TFCP2: variants seen among roughly 807,000 people sequenced by gnomAD.
The protein encoded by TFCP2 is alpha-globin transcription factor CP2.
TFCP2 carries 33 observed loss-of-function variants against 73.4 expected under a neutral mutation model. That is an observed-to-expected ratio of 0.45 (90% CI 0.34 to 0.60). The LOEUF is 0.60. TFCP2 is among the 20% of genes least tolerant of loss of function. The probability of loss-of-function intolerance (pLI) is 0.01; values close to 1 mark genes in which losing one functional copy is unlikely to be tolerated. For missense variants in TFCP2, 352 were observed against 604.0 expected (o/e 0.58, Z 4.37); for synonymous variants, 193 against 211.6 (o/e 0.91, Z 0.76).
chr12:51,107,235 C>A lies in TFCP2; in HGVS notation c.828+1G>T. On this transcript the variant is annotated splice_donor_variant, in intron 7 of 14. Transcript: ENST00000257915. LOFTEE classifies it high-confidence loss of function. Reference sequence around the variant, plus strand: ...ATTGTCACCAAAAGAAATCTTTTTACCTCTGTGAGTATGGTTGTCTCATAG... The same window carrying A: ...ATTGTCACCAAAAGAAATCTTTTTAACTCTGTGAGTATGGTTGTCTCATAG... 6.3e-7 allele frequency: 1 copy of A among 1,587,978 alleles called. No individual in the cohort carries two copies. The highest frequency in any genetic ancestry group is 8.5e-7 in the Non-Finnish European group (1 of 1,170,802).
intron 1 of TFCP2, among the ~76,000 whole-genome samples, chr12:51,144,471 G>A (rs1941251312): frequency 6.6e-6 from 1 of 152,138 alleles, no homozygotes; most frequent in Non-Finnish European, 1.5e-5. Flanking sequence ...TATTGAAACA[G>A]ATAGACAAAT....
intron 6 of TFCP2, among the ~76,000 whole-genome samples, chr12:51,108,529 T>C (rs1331246675): frequency 1.3e-5 from 2 of 152,140 alleles, no homozygotes; most frequent in Non-Finnish European, 2.9e-5. Flanking sequence ...ATCCCAGTAC[T>C]TTGGGAGGCC....
At chr12:51,117,882 T>C in intron 2 of TFCP2, 135 bp from the exon 3 acceptor site, 1 of 602,012 alleles carries the variant, frequency 1.7e-6, no homozygotes, top group Non-Finnish European at 2.9e-6. Context: ...ATCAGAAGCC[T>C]TTACAAGATG....
chr12:51,167,228 G>A (rs1331068015), intron 1 of TFCP2, among the ~76,000 whole-genome samples: 3 of 152,088 alleles, frequency 2.0e-5, no homozygotes, highest in African/African-American at 7.2e-5. Flanking sequence ...TAATTAAGAT[G>A]ACTCTTTATA....
intron 1 of TFCP2, among the ~76,000 whole-genome samples, chr12:51,150,723 C>A (rs1310757703): frequency 1.3e-5 from 2 of 152,180 alleles, no homozygotes; most frequent in African/African-American, 4.8e-5. Flanking sequence ...AAATCAGTCT[C>A]AATAAAGAGA....
At chr12:51,097,434 G>C (rs554449152) in intron 13 of TFCP2, among the ~76,000 whole-genome samples, 1 of 151,526 alleles carries the variant, frequency 6.6e-6, no homozygotes, top group Admixed American at 6.6e-5. Context: ...TTTTAGTAGA[G>C]ATGGGGTTTC....
At chr12:51,132,087 T>C (rs1271489234) in intron 1 of TFCP2, among the ~76,000 whole-genome samples, 2 of 152,074 alleles carry the variant, frequency 1.3e-5, no homozygotes, top group African/African-American at 4.8e-5. Context: ...AACAACTGCT[T>C]GTGGGGGAAA....
chr12:51,106,901 A>C, intron 7 of TFCP2: 1 of 493,088 alleles, frequency 2.0e-6, no homozygotes, highest in South Asian at 2.3e-5. Flanking sequence ...AGCTCTTCCT[A>C]AAATTGAAGG....
chr12:51,164,182 G>A (rs1941705589), intron 1 of TFCP2, among the ~76,000 whole-genome samples: 1 of 152,094 alleles, frequency 6.6e-6, no homozygotes. Context: ...TCCAGCCTGG[G>A]TAACAGAGCA....
intron 7 of TFCP2, chr12:51,106,843 G>A: frequency 4.0e-6 from 2 of 503,016 alleles, no homozygotes; most frequent in South Asian, 4.5e-5. Flanking sequence ...ACGGTCCCAG[G>A]CCATTTTTGT....
intron 1 of TFCP2, among the ~76,000 whole-genome samples, chr12:51,159,394 A>G (rs1475625501): frequency 1.3e-5 from 2 of 150,830 alleles, no homozygotes; most frequent in Admixed American, 6.6e-5. Flanking sequence ...CTGGAGTGCA[A>G]TGGCGTGATC....
Position 51,121,283 on chromosome 12 carries a change from C to T in TFCP2, c.123-2511G>A, listed in dbSNP as rs375798609. ...TAAAAGTACAAAAATTAGCCGGGCG[C>T]GTTGGCGCGCGCCTAGTCCCAGCTA... is the stretch of plus-strand genomic sequence containing the variant. On this transcript the variant is annotated intron_variant, in intron 1 of 14. Coordinates refer to ENST00000257915, the MANE Select transcript of TFCP2 (RefSeq NM_005653.5). Among the ~76,000 whole-genome samples, 70 of 151,582 alleles carry T rather than the reference C, an allele frequency of 4.6e-4. 1 individual carries two copies. The South Asian group carries it at 0.013, about 28-fold the overall frequency.
intron 4 of TFCP2, among the ~76,000 whole-genome samples, chr12:51,115,097 C>A (rs1407887279): frequency 2.5e-5 from 3 of 119,410 alleles, no homozygotes; most frequent in African/African-American, 6.1e-5. Context: ...CAAGTGTTGA[C>A]AAGGATTGGA....
At chr12:51,153,375 C>CA (rs1438829239) in intron 1 of TFCP2, among the ~76,000 whole-genome samples, 3 of 139,694 alleles carry the variant, frequency 2.1e-5, no homozygotes, top group African/African-American at 8.1e-5. Flanking sequence ...GACCCTGTCT[C>CA]AAAAAAAAAG....
chr12:51,098,720 C>A, intron 13 of TFCP2, 56 bp downstream of exon 13: 1 of 1,596,564 alleles, frequency 6.3e-7, no homozygotes, highest in Admixed American at 1.7e-5. Flanking sequence ...TGCTCTTGCT[C>A]CATGCGCTGA....
chr12:51,125,419 T>C, intron 1 of TFCP2: 1 of 424,314 alleles, frequency 2.4e-6, no homozygotes, highest in Non-Finnish European at 4.6e-6. Context: ...TTTTCTTCTG[T>C]GGGACCCTCT....
chr12:51,098,625 A>C, intron 13 of TFCP2, 151 bp downstream of exon 13: 2 of 723,488 alleles, frequency 2.8e-6, no homozygotes, highest in Non-Finnish European at 4.0e-6. Context: ...GACTGTTTCA[A>C]AAAAAAAAAA....
chr12:51,114,921 G>A (rs1437032796), intron 4 of TFCP2, among the ~76,000 whole-genome samples: 1 of 151,708 alleles, frequency 6.6e-6, no homozygotes, highest in South Asian at 2.1e-4. Context: ...AATTAGCTAG[G>A]TGTGGTGGTG....
chr12:51,137,740 T>C (rs12230388), intron 1 of TFCP2, among the ~76,000 whole-genome samples: 10,689 of 152,236 alleles, frequency 0.07, 646 homozygotes, highest in East Asian at 0.18. Context: ...ATACAGAAAA[T>C]AGAACTCCCA....
Sources: allele counts gnomAD v4.1 joint callset (sites outside exome capture counted in the v4.1 genomes callset), GRCh38; gene constraint gnomAD v4.1.1; transcripts MANE v1.5; gene names NCBI Gene and HGNC (gene_info 2026-07-23, HGNC 2026-07-21).